Variants in REV3L observed in about 807,000 individuals in gnomAD.
REV3L encodes the protein DNA polymerase zeta catalytic subunit.
Under a neutral mutation model 299.4 loss-of-function variants are expected in REV3L, and 69 were observed. The observed-to-expected ratio is 0.23, with a 90% CI of 0.19 to 0.28. The LOEUF is 0.28. Ranked by LOEUF, REV3L falls within the 10% of genes least tolerant of loss-of-function variation. The pLI is 1.00. For synonymous variants in REV3L, 1,238 were observed against 1,271.4 expected (o/e 0.97, Z 0.56); for missense variants, 3,128 against 3,693.8 (o/e 0.85, Z 3.97).
At position 111,483,035 on chromosome 6, in the gene REV3L, G is replaced by C. The variant is rs528168790; in HGVS notation, c.-147C>G. On this transcript the variant is annotated 5_prime_UTR_variant, in exon 1 of 32. Coordinates refer to ENST00000368802, the MANE Select transcript of REV3L (RefSeq NM_001372078.1). ...TCACACAGAGGCACCTCGAGGAGCG[G>C]CGGGCGGGGCGGTGTAGGCGCTGCT... 9.8e-7 allele frequency: 1 copy of C among 1,015,710 alleles called. No homozygotes were observed. The highest frequency in any genetic ancestry group is 1.7e-5 in the African/African-American group (1 of 59,036). The allele number at this position is 1,015,710 out of a possible 1,614,324, so 62.9% of individuals were successfully genotyped here.
intron 1 of REV3L, among the ~76,000 whole-genome samples, chr6:111,418,008 T>A (rs1365888184): frequency 6.6e-6 from 1 of 152,224 alleles, no homozygotes; most frequent in Non-Finnish European, 1.5e-5. Flanking sequence ...ACATTCAAAC[T>A]ATATTAATGA....
intron 1 of REV3L, among the ~76,000 whole-genome samples, chr6:111,443,101 T>C (rs1327337345): frequency 6.6e-6 from 1 of 152,228 alleles, no homozygotes; most frequent in Non-Finnish European, 1.5e-5. Context: ...TGGGTCTGTT[T>C]TTATTCACAA....
intron 20 of REV3L, among the ~76,000 whole-genome samples, chr6:111,346,178 C>T (rs1777002928): frequency 6.6e-6 from 1 of 152,124 alleles, no homozygotes; most frequent in African/African-American, 2.4e-5. Context: ...AACCAGTGCA[C>T]CAAAGATGGC....
chr6:111,367,004 C>T, intron 14 of REV3L, 111 bp downstream of exon 14: 1 of 846,522 alleles, frequency 1.2e-6, no homozygotes, highest in Non-Finnish European at 1.7e-6. Flanking sequence ...AAAATATTTG[C>T]TGAGCTATAC....
chr6:111,299,468 C>T lies in REV3L; in HGVS notation c.*548G>A, dbSNP rs1443886562. 2 of 152,532 alleles carry T rather than the reference C, an allele frequency of 1.3e-5. No homozygotes were observed. The highest frequency in any genetic ancestry group is 4.8e-5 in the African/African-American group (2 of 41,428). The allele number at this position is 152,532 out of a possible 1,614,324, so 9.4% of individuals were successfully genotyped here. Reference sequence around the variant, plus strand: ...TGTTTGCACAGTTTGATCAAAATAACGATCTACTTTGAGTCAAGCAAAACC... The same window carrying T: ...TGTTTGCACAGTTTGATCAAAATAATGATCTACTTTGAGTCAAGCAAAACC... On this transcript the variant is annotated 3_prime_UTR_variant, in exon 32 of 32. Coordinates refer to ENST00000368802, the MANE Select transcript of REV3L (RefSeq NM_001372078.1).
intron 13 of REV3L, among the ~76,000 whole-genome samples, chr6:111,368,276 G>A (rs1367792233): frequency 6.6e-6 from 1 of 151,920 alleles, no homozygotes. Context: ...GGTATTTTTT[G>A]TTTTATTTTA....
intron 18 of REV3L, 36 bp from the exon 19 acceptor site, chr6:111,351,827 A>G: frequency 7.4e-7 from 1 of 1,348,312 alleles, no homozygotes. Context: ...TATAAGTACC[A>G]TACATTTGAA....
intron 9 of REV3L, among the ~76,000 whole-genome samples, chr6:111,382,564 A>G (rs1439025966): frequency 6.6e-6 from 1 of 152,156 alleles, no homozygotes; most frequent in Non-Finnish European, 1.5e-5. Context: ...CCAGAGGGAA[A>G]CTGCCCATCC....
At chr6:111,483,288 GA>G (rs1333129713), upstream of REV3L, 1 of 487,696 alleles carries the variant, frequency 2.1e-6, no homozygotes, top group African/African-American at 2.1e-5. Context: ...TAGTGCGGGG[GA>G]GGGGGCTCGG....
chr6:111,404,894 G>A (rs1453946277), intron 4 of REV3L, among the ~76,000 whole-genome samples: 1 of 151,978 alleles, frequency 6.6e-6, no homozygotes, highest in Non-Finnish European at 1.5e-5. Context: ...AGATAAAATG[G>A]ACAAGGATGT....
chr6:111,345,642 CG>C (rs1776948016), intron 20 of REV3L, among the ~76,000 whole-genome samples: 1 of 152,120 alleles, frequency 6.6e-6, no homozygotes, highest in Admixed American at 6.6e-5. Context: ...CCATCATCTC[CG>C]GTGCTTCCAG....
At chr6:111,326,607 C>CT (rs1310455662) in intron 25 of REV3L, among the ~76,000 whole-genome samples, 1 of 147,536 alleles carries the variant, frequency 6.8e-6, no homozygotes, top group Non-Finnish European at 1.5e-5. Flanking sequence ...GGGTATATAC[C>CT]CCCCCCAAAA....
intron 26 of REV3L, among the ~76,000 whole-genome samples, chr6:111,318,063 T>C (rs1040689150): frequency 6.6e-6 from 1 of 152,086 alleles, no homozygotes; most frequent in Non-Finnish European, 1.5e-5. Flanking sequence ...CAAGTTTTTG[T>C]GTGGACATAG....
At chr6:111,474,249 G>A (rs1792627528) in intron 1 of REV3L, among the ~76,000 whole-genome samples, 1 of 152,164 alleles carries the variant, frequency 6.6e-6, no homozygotes, top group African/African-American at 2.4e-5. Flanking sequence ...CAGTCACCTT[G>A]CAGAGCATAT....
chr6:111,354,741 A>C (rs542496247), intron 18 of REV3L, among the ~76,000 whole-genome samples: 1 of 152,232 alleles, frequency 6.6e-6, no homozygotes, highest in Non-Finnish European at 1.5e-5. Flanking sequence ...TTACAGAAAG[A>C]ATAAAGTTGG....
rs765394396 is a variant in REV3L, at chr6:111,373,854, A to C, written c.4501T>G (p.Ser1501Ala). 12 of 1,613,988 alleles carry C rather than the reference A, an allele frequency of 7.4e-6. No homozygotes were observed. Among genetic ancestry groups the C allele is most frequent in the Middle Eastern group, 1.6e-4 (1 of 6,082 alleles). Reference sequence around the variant, plus strand: ...CACTGAGAAAGTGCTTTGGTTTGTGAAATTGCTTCTGATAACGACCTCGGT... The same window carrying C: ...CACTGAGAAAGTGCTTTGGTTTGTGCAATTGCTTCTGATAACGACCTCGGT... ...VKPRSLSEAI[S>A]QTKALSQCKN... Residue 1501 changes from serine to alanine, a missense_variant, in exon 13 of 32, where the codon TCA (serine) becomes GCA (alanine). Ser to Ala is a moderately conservative substitution (Grantham distance 99, BLOSUM62 1). Transcript: ENST00000368802.
chr6:111,406,226 T>C (rs1320857588), intron 3 of REV3L, among the ~76,000 whole-genome samples: 1 of 152,196 alleles, frequency 6.6e-6, no homozygotes, highest in Non-Finnish European at 1.5e-5. Context: ...GAGGCACTTT[T>C]TTCTCTGAAG....
chr6:111,310,233 A>C, intron 29 of REV3L, 134 bp from the exon 30 acceptor site: 1 of 1,163,590 alleles, frequency 8.6e-7, no homozygotes, highest in Non-Finnish European at 1.2e-6. Flanking sequence ...CAGAATTACT[A>C]TTTCTTTGAG....
At chr6:111,437,272 C>A (rs1262415029) in intron 1 of REV3L, among the ~76,000 whole-genome samples, 2 of 152,090 alleles carry the variant, frequency 1.3e-5, no homozygotes, top group African/African-American at 2.4e-5. Context: ...CATGTCCACA[C>A]AAATACCTGT....
Sources: allele counts gnomAD v4.1 joint callset (sites outside exome capture counted in the v4.1 genomes callset), GRCh38; gene constraint gnomAD v4.1.1; transcripts MANE v1.5; gene names NCBI Gene and HGNC (gene_info 2026-07-23, HGNC 2026-07-21).